Variants in KIF26B observed in about 807,000 individuals in gnomAD.
KIF26B encodes the protein kinesin family member 26B.
KIF26B carries 63 observed loss-of-function variants against 151.2 expected under a neutral mutation model. The ratio of observed to expected loss-of-function variants is 0.42; its 90% CI spans 0.34 to 0.51. The LOEUF is 0.51. Among genes scored for constraint, KIF26B ranks in the 20% least tolerant of loss-of-function variants. KIF26B has a pLI of 0.07. For missense variants in KIF26B, 2,813 were observed against 2,913.6 expected, an observed-to-expected ratio of 0.97 and a Z score of 0.79; for synonymous variants, 1,357 against 1,262.1, an observed-to-expected ratio of 1.08 and a Z score of -1.59.
chr1:245,407,144 T>G (rs1383692604), intron 3 of KIF26B, among the ~76,000 whole-genome samples: 1 of 152,058 alleles, frequency 6.6e-6, no homozygotes, highest in Non-Finnish European at 1.5e-5. Context: ...TGTGACAGGG[T>G]CTTTAAATTT....
intron 3 of KIF26B, among the ~76,000 whole-genome samples, chr1:245,414,320 A>C (rs72761173): frequency 0.15 from 22,512 of 152,196 alleles, 1,793 homozygotes; most frequent in African/African-American, 0.17. Flanking sequence ...CAAGAGGAAA[A>C]GTGCTGTTGA....
chr1:245,504,808 C>T (rs1017307691), intron 4 of KIF26B, among the ~76,000 whole-genome samples: 1 of 152,038 alleles, frequency 6.6e-6, no homozygotes, highest in African/African-American at 2.4e-5. Context: ...GCTCTGTCTC[C>T]TCGTAGAAAG....
chr1:245,164,524 G>A (rs978354516), intron 2 of KIF26B, among the ~76,000 whole-genome samples: 4 of 152,350 alleles, frequency 2.6e-5, no homozygotes, highest in African/African-American at 7.2e-5. Context: ...GGAACGTGGC[G>A]AAGCGTAAGC....
intron 2 of KIF26B, among the ~76,000 whole-genome samples, chr1:245,262,580 G>A (rs1256056952): frequency 6.6e-6 from 1 of 151,914 alleles, no homozygotes; most frequent in African/African-American, 2.4e-5. Flanking sequence ...TCAGGCTCCC[G>A]AATAGCTGGG....
intron 4 of KIF26B, among the ~76,000 whole-genome samples, chr1:245,506,839 C>T (rs1407796745): frequency 1.3e-5 from 2 of 152,184 alleles, no homozygotes; most frequent in Non-Finnish European, 1.5e-5. Context: ...TAATTACACT[C>T]GGCTAAATTT....
At chr1:245,267,177 C>T (rs972321329) in intron 2 of KIF26B, among the ~76,000 whole-genome samples, 13 of 152,212 alleles carry the variant, frequency 8.5e-5, no homozygotes, top group African/African-American at 1.7e-4. Context: ...ATATTCTTCA[C>T]GTGTGAAATT....
chr1:245,588,339 A>G (rs2043249486), intron 5 of KIF26B, among the ~76,000 whole-genome samples: 1 of 152,090 alleles, frequency 6.6e-6, no homozygotes, highest in African/African-American at 2.4e-5. Context: ...TTCTGCTTTG[A>G]ACTCCTGCTG....
At chr1:245,434,885 T>C (rs1350949285) in intron 4 of KIF26B, among the ~76,000 whole-genome samples, 3 of 152,084 alleles carry the variant, frequency 2.0e-5, no homozygotes, top group African/African-American at 4.8e-5. Flanking sequence ...TAGAGTCACC[T>C]CCCAGTTAAC....
At chr1:245,313,655 G>A (rs757196513) in intron 2 of KIF26B, among the ~76,000 whole-genome samples, 20 of 152,170 alleles carry the variant, frequency 1.3e-4, no homozygotes, top group Non-Finnish European at 1.9e-4. Flanking sequence ...CACAGATCCC[G>A]CGGCAAGCAT....
chr1:245,171,966 C>A (rs1384594189), intron 2 of KIF26B, among the ~76,000 whole-genome samples: 1 of 152,244 alleles, frequency 6.6e-6, no homozygotes, highest in Admixed American at 6.5e-5. Flanking sequence ...CCATCCCAAA[C>A]TGCCAGAAGG....
At chr1:245,578,944 C>T (rs891285795) in intron 5 of KIF26B, among the ~76,000 whole-genome samples, 1 of 152,132 alleles carries the variant, frequency 6.6e-6, no homozygotes, top group Non-Finnish European at 1.5e-5. Context: ...AAAACAGGCT[C>T]TAAGAACAGA....
At chr1:245,465,043 A>G (rs1344706380) in intron 4 of KIF26B, among the ~76,000 whole-genome samples, 2 of 138,688 alleles carry the variant, frequency 1.4e-5, no homozygotes, top group East Asian at 2.1e-4. Flanking sequence ...CAGGGGCGCG[A>G]TCTCGGCTCA....
chr1:245,693,586 T>C (rs1342835823), intron 12 of KIF26B, among the ~76,000 whole-genome samples: 1 of 152,230 alleles, frequency 6.6e-6, no homozygotes, highest in Non-Finnish European at 1.5e-5. Flanking sequence ...TGCCTTTCTC[T>C]TGGTGCTGAG....
At chr1:245,500,019 GC>G (rs1660589124) in intron 4 of KIF26B, among the ~76,000 whole-genome samples, 1 of 152,216 alleles carries the variant, frequency 6.6e-6, no homozygotes, top group Admixed American at 6.5e-5. Context: ...AGGCTGGATA[GC>G]TACACATCAT....
In KIF26B at chr1:245,473,521, C is replaced by G. The variant is rs922201725; in HGVS notation, c.1166+53776C>G. Among the ~76,000 whole-genome samples, 2 of 147,260 alleles carry G rather than the reference C, an allele frequency of 1.4e-5. 1 individual carries two copies. The highest frequency in any genetic ancestry group is 4.4e-4 in the South Asian group (2 of 4,540). ...TCTGCACTATATGGACTGCCTTTCTCTTTCACTCACTTGCTTTTTAAATGA... is the reference window on the plus strand; with the variant it reads ...TCTGCACTATATGGACTGCCTTTCTGTTTCACTCACTTGCTTTTTAAATGA... On this transcript the variant is annotated intron_variant, in intron 4 of 14. Coordinates refer to ENST00000407071, the MANE Select transcript of KIF26B (RefSeq NM_018012.4).
At chr1:245,461,004 G>A (rs1028290046) in intron 4 of KIF26B, among the ~76,000 whole-genome samples, 1 of 152,190 alleles carries the variant, frequency 6.6e-6, no homozygotes, top group Non-Finnish European at 1.5e-5. Flanking sequence ...CTGTCCCTGG[G>A]AGGGCTGCAG....
In KIF26B at chr1:245,364,422, CTTTTTTTTTT is replaced by C. The variant is rs763619030; in HGVS notation, c.466-2398_466-2389del. 4.0e-5 allele frequency among the ~76,000 whole-genome samples: 4 copies of C among 98,920 alleles called. No individual in the cohort carries two copies. In the South Asian group the frequency reaches 1.3e-3, roughly 31 times the overall value. 64.9% of individuals were successfully genotyped at this position (98,920 alleles called of 152,430 possible). A position where few individuals can be genotyped will look rare whatever the true frequency, so the allele number is the denominator to read the frequency against. On this transcript the variant is annotated intron_variant, in intron 2 of 14. Coordinates refer to ENST00000407071, the MANE Select transcript of KIF26B (RefSeq NM_018012.4). ...ATGACTTCTCACCCTCTCTCTCTCT[CTTTTTTTTTT>C]TTTTTTTTTTTTTGAGATGGAGTCT... is the stretch of plus-strand genomic sequence containing the variant.
chr1:245,217,797 G>A (rs998854195), intron 2 of KIF26B, among the ~76,000 whole-genome samples: 12 of 152,160 alleles, frequency 7.9e-5, no homozygotes, highest in Non-Finnish European at 1.5e-4. Context: ...TTTCAGACGA[G>A]GAAACCAAAG....
chr1:245,373,550 G>A (rs779924413), intron 3 of KIF26B, among the ~76,000 whole-genome samples: 71 of 152,184 alleles, frequency 4.7e-4, no homozygotes, highest in Non-Finnish European at 9.0e-4. Flanking sequence ...ATAGTGGACC[G>A]TTGATGCAAT....
Sources: gnomAD v4.1 joint callset for allele counts (sites outside exome capture counted in the v4.1 genomes callset) on GRCh38, gnomAD v4.1.1 for gene constraint, MANE v1.5 for transcripts, NCBI Gene and HGNC (gene_info 2026-07-23, HGNC 2026-07-21) for gene names.